Variants in RIPK2 observed in about 807,000 individuals in gnomAD.
The protein encoded by RIPK2 is receptor-interacting serine/threonine-protein kinase 2.
RIPK2 carries 38 observed loss-of-function variants against 60.9 expected under a neutral mutation model. The observed-to-expected ratio is 0.62, with a 90% confidence interval of 0.48 to 0.82. The LOEUF is 0.82. Among genes scored for constraint, RIPK2 ranks in the 40% least tolerant of loss-of-function variants. The probability of loss-of-function intolerance (pLI) is 0.00; values close to 1 mark genes in which losing one functional copy is unlikely to be tolerated. For missense variants in RIPK2, 518 were observed against 647.0 expected, an observed-to-expected ratio of 0.80 and a Z score of 2.16; for synonymous variants, 225 against 223.4, an observed-to-expected ratio of 1.01 and a Z score of -0.06.
At chr8:89,778,120 CT>C (rs138387677) in intron 6 of RIPK2, among the ~76,000 whole-genome samples, 8,868 of 151,646 alleles carry the variant, frequency 0.058, 792 homozygotes, top group African/African-American at 0.19. Context: ...AATATTTTTC[CT>C]TTTTTTAAAA....
chr8:89,785,325 A>T (rs1319650494), intron 8 of RIPK2, among the ~76,000 whole-genome samples: 1 of 152,018 alleles, frequency 6.6e-6, no homozygotes, highest in Non-Finnish European at 1.5e-5. Flanking sequence ...ACATATAAAA[A>T]TTAGCTGGGC....
chr8:89,769,676 T>C (rs1809281649), intron 3 of RIPK2, 96 bp from the exon 4 acceptor site: 3 of 738,914 alleles, frequency 4.1e-6, no homozygotes, highest in Admixed American at 2.9e-5. Flanking sequence ...TTTTCTCTGG[T>C]TTGATATCTA....
At chr8:89,758,879 T>G (rs867456158) in intron 1 of RIPK2, among the ~76,000 whole-genome samples, 2 of 152,254 alleles carry the variant, frequency 1.3e-5, no homozygotes, top group African/African-American at 4.8e-5. Context: ...TTTATGTGTT[T>G]CTTTTTACTT....
At position 89,758,169 on chromosome 8, in the gene RIPK2, C is replaced by A; in HGVS notation, c.109C>A (p.His37Asn). ...CTCTGGCACTGTGTCGTCCGCCCGC[C>A]ACGCAGACTGGCGCGTCCAGGTGGC... ...GASGTVSSAR[H>N]ADWRVQVAVK... The change falls in exon 1 of 11, where the codon CAC becomes AAC. Residue 37 changes from histidine (H) to asparagine (N), a missense_variant. Transcript: ENST00000220751. The A allele has an allele frequency of 6.2e-7, 1 of 1,609,936 alleles. No homozygotes were observed. The highest frequency in any genetic ancestry group is 8.5e-7 in the Non-Finnish European group (1 of 1,178,710).
At chr8:89,789,569 G>T (rs1373726188) in intron 10 of RIPK2, 87 bp downstream of exon 10, 1 of 1,281,954 alleles carries the variant, frequency 7.8e-7, no homozygotes, top group African/African-American at 1.5e-5. Flanking sequence ...AATGAGGTTT[G>T]TCTTTATTTC....
At chr8:89,786,838 A>C (rs1204551333) in intron 9 of RIPK2, 152 bp downstream of exon 9, 3 of 622,676 alleles carry the variant, frequency 4.8e-6, no homozygotes, top group Non-Finnish European at 8.6e-6. Flanking sequence ...GGAAAATAGT[A>C]GTGTGATATT....
intron 6 of RIPK2, 130 bp downstream of exon 6, chr8:89,772,958 TATC>T: frequency 1.7e-6 from 1 of 583,016 alleles, no homozygotes; most frequent in African/African-American, 1.9e-5. Context: ...TTTTCTGTCT[TATC>T]ATAGCATTTA....
chr8:89,788,386 G>A lies in RIPK2; in HGVS notation c.1124-935G>A, dbSNP rs147621024. 6.5e-4 allele frequency among the ~76,000 whole-genome samples: 99 copies of A among 151,932 alleles called. 1 individual carries two copies. The East Asian group carries it at 0.012, about 18-fold the overall frequency. Reference sequence around the variant, plus strand: ...TTAAAACAAGTTTTAGAGTTAAGACGGATAATTATACTTTTAATGTTTTTG... The same window carrying A: ...TTAAAACAAGTTTTAGAGTTAAGACAGATAATTATACTTTTAATGTTTTTG... On this transcript the variant is annotated intron_variant, in intron 9 of 10. Coordinates refer to ENST00000220751, the MANE Select transcript of RIPK2 (RefSeq NM_003821.6).
chr8:89,773,718 G>A (rs1445827844), intron 6 of RIPK2, among the ~76,000 whole-genome samples: 2 of 152,136 alleles, frequency 1.3e-5, no homozygotes, highest in African/African-American at 4.8e-5. Context: ...AAATTCTGAA[G>A]ACAGAAGAGT....
intron 6 of RIPK2, among the ~76,000 whole-genome samples, chr8:89,775,282 A>G (rs1377786440): frequency 2.0e-5 from 3 of 151,904 alleles, no homozygotes; most frequent in Admixed American, 2.0e-4. Flanking sequence ...AACAAAAATA[A>G]AAATAAAAAA....
intron 1 of RIPK2, among the ~76,000 whole-genome samples, 164 bp downstream of exon 1, chr8:89,758,397 C>T (rs1809087070): frequency 6.6e-6 from 1 of 152,198 alleles, no homozygotes; most frequent in African/African-American, 2.4e-5. Context: ...GGAGCACCCA[C>T]CCTTCAAGCT....
At chr8:89,776,663 T>A (rs954787425) in intron 6 of RIPK2, among the ~76,000 whole-genome samples, 2 of 152,100 alleles carry the variant, frequency 1.3e-5, no homozygotes, top group African/African-American at 2.4e-5. Flanking sequence ...CCGCCAGGGG[T>A]CCCTGGACCA....
intron 7 of RIPK2, among the ~76,000 whole-genome samples, chr8:89,782,923 G>A (rs987234449): frequency 2.0e-5 from 3 of 152,172 alleles, no homozygotes; most frequent in Non-Finnish European, 4.4e-5. Flanking sequence ...TATCAGAAAT[G>A]TTTTGGCAAA....
chr8:89,769,431 A>G (rs1163790065), intron 3 of RIPK2, among the ~76,000 whole-genome samples: 1 of 151,844 alleles, frequency 6.6e-6, no homozygotes, highest in Non-Finnish European at 1.5e-5. Flanking sequence ...ACATGGTATC[A>G]AGCTATATGT....
At chr8:89,781,350 T>C (rs1020038602) in intron 7 of RIPK2, among the ~76,000 whole-genome samples, 1 of 106,438 alleles carries the variant, frequency 9.4e-6, no homozygotes, top group African/African-American at 4.5e-5. Flanking sequence ...CCTTAATAGA[T>C]TGAATTTTTT....
At chr8:89,789,526 C>A in intron 10 of RIPK2, 44 bp downstream of exon 10, 1 of 1,560,744 alleles carries the variant, frequency 6.4e-7, no homozygotes, top group Non-Finnish European at 8.7e-7. Context: ...TGCCATTGAC[C>A]TTACATATCT....
intron 2 of RIPK2, among the ~76,000 whole-genome samples, chr8:89,764,825 A>C (rs921255018): frequency 3.3e-5 from 5 of 152,116 alleles, no homozygotes; most frequent in Non-Finnish European, 1.5e-5. Flanking sequence ...TAAATACAAT[A>C]TGATCATAAT....
At chr8:89,776,816 A>C (rs1358794361) in intron 6 of RIPK2, among the ~76,000 whole-genome samples, 1 of 152,202 alleles carries the variant, frequency 6.6e-6, no homozygotes, top group Non-Finnish European at 1.5e-5. Flanking sequence ...GCCAAGATGG[A>C]GTAACTGGGG....
intron 7 of RIPK2, chr8:89,780,685 C>A (rs1809483440): frequency 6.6e-6 from 1 of 151,986 alleles, no homozygotes; most frequent in Non-Finnish European, 1.5e-5. Context: ...TAATAGATGT[C>A]TGGGTTCTCG....
Sources: allele counts gnomAD v4.1 joint callset (sites outside exome capture counted in the v4.1 genomes callset), GRCh38; gene constraint gnomAD v4.1.1; transcripts MANE v1.5; gene names NCBI Gene and HGNC (gene_info 2026-07-23, HGNC 2026-07-21).